EPHA5: variants seen among roughly 807,000 people sequenced by gnomAD.
EPHA5 encodes ephrin type-A receptor 5.
A neutral mutation model predicts 105.0 loss-of-function variants in EPHA5; 60 were observed. The observed-to-expected ratio is 0.57, with a 90% CI of 0.46 to 0.71. The LOEUF is 0.71. EPHA5 is among the 30% of genes least tolerant of loss of function. The pLI is 0.00. For missense variants in EPHA5, 1,218 were observed against 1,274.7 expected (o/e 0.96, Z 0.68); for synonymous variants, 513 against 449.1 (o/e 1.14, Z -1.80).
chr4:65,371,806 T>G (rs768616383), intron 8 of EPHA5, among the ~76,000 whole-genome samples: 2 of 151,962 alleles, frequency 1.3e-5, no homozygotes, highest in Non-Finnish European at 2.9e-5. Flanking sequence ...CCTAAATAAT[T>G]TTTTTCACCT....
intron 5 of EPHA5, among the ~76,000 whole-genome samples, chr4:65,467,473 T>C (rs1425479070): frequency 1.3e-5 from 2 of 152,194 alleles, no homozygotes; most frequent in Admixed American, 6.5e-5. Context: ...AAGTAGTGCA[T>C]GTAATGACAT....
intron 3 of EPHA5, among the ~76,000 whole-genome samples, chr4:65,506,285 T>C (rs1193910926): frequency 1.3e-5 from 2 of 151,848 alleles, no homozygotes; most frequent in Non-Finnish European, 2.9e-5. Flanking sequence ...GTCTTTGCTG[T>C]TGTGAATAGT....
At chr4:65,543,607 T>C (rs1176017479) in intron 3 of EPHA5, among the ~76,000 whole-genome samples, 1 of 151,980 alleles carries the variant, frequency 6.6e-6, no homozygotes, top group Non-Finnish European at 1.5e-5. Context: ...TCCATTCTCA[T>C]AGATTGGAAG....
At position 65,571,688 on chromosome 4, in the gene EPHA5, G is replaced by T. The variant is rs1490259332; in HGVS notation, c.910+29953C>A. Among the ~76,000 whole-genome samples the T allele has an allele frequency of 2.0e-5, 3 of 152,052 alleles. No individual in the cohort carries two copies. In the East Asian group the frequency reaches 5.8e-4, roughly 29 times the overall value. ...AAGTTGATTCTTAGGTCTTACGTAT[G>T]TTTTACTTTTCAATAAAAATATGTA... On this transcript the variant is annotated intron_variant, in intron 3 of 16. Coordinates refer to ENST00000613740, the MANE Select transcript of EPHA5 (RefSeq NM_001281766.3).
intron 3 of EPHA5, among the ~76,000 whole-genome samples, chr4:65,566,778 AT>A (rs897342065): frequency 6.6e-6 from 1 of 151,632 alleles, no homozygotes; most frequent in Non-Finnish European, 1.5e-5. Context: ...TAATTATTAC[AT>A]TTTTTTCTCC....
chr4:65,355,796 C>T (rs1723245081), intron 11 of EPHA5, among the ~76,000 whole-genome samples: 1 of 151,502 alleles, frequency 6.6e-6, no homozygotes, highest in Admixed American at 6.6e-5. Context: ...GCAACTCCGG[C>T]ATCAGTTTTT....
intron 3 of EPHA5, among the ~76,000 whole-genome samples, chr4:65,512,843 A>T (rs1210485990): frequency 2.0e-5 from 3 of 152,206 alleles, no homozygotes; most frequent in Non-Finnish European, 2.9e-5. Flanking sequence ...TATCATCAAC[A>T]TGAAATGTAA....
In EPHA5 at chr4:65,332,107, T is replaced by C. The variant is rs771745177; in HGVS notation, c.2811A>G (p.Glu937=). 3 of 1,602,824 alleles carry C rather than the reference T, an allele frequency of 1.9e-6. No individual in the cohort carries two copies. The highest frequency in any genetic ancestry group is 1.7e-4 in the Middle Eastern group (1 of 6,008). ...AGGCCCCAGATCCTAGTGGGCTATG[T>C]TCTGCCAATAAATTAGATACTCTAA... ...ASCRVSNLLA[E]HSPLGSGAYR... The change falls in exon 16 of 17, where the codon GAA becomes GAG. Residue 937 remains glutamate, a synonymous_variant. Coordinates refer to ENST00000613740, the MANE Select transcript of EPHA5 (RefSeq NM_001281766.3).
Position 65,335,995 on chromosome 4 carries a change from T to A in EPHA5, c.2726A>T (p.Asn909Ile), listed in dbSNP as rs1721140222. Residue 909 changes from asparagine (N) to isoleucine (I), a missense_variant, in exon 15 of 17, where the codon AAC becomes ATC. Around this residue, in one of 3 missense-constraint regions of EPHA5, gnomAD observed 971 missense variants for 1,013.5 expected, o/e 0.96. Transcript: ENST00000613740. ...GTTACGTATCAGCTTGTCCAACATG[T>A]TGACTATTTCATCAAACTTGGGCCT... is the stretch of plus-strand genomic sequence containing the variant. Reference protein sequence around the residue: ...NSRPKFDEIVNMLDKLIRNPS... With the variant: ...NSRPKFDEIVIMLDKLIRNPS... The A allele has an allele frequency of 6.2e-7, 1 of 1,613,302 alleles. No individual in the cohort carries two copies. Among genetic ancestry groups the A allele is most frequent in the Non-Finnish European group, 8.5e-7 (1 of 1,179,554 alleles).
intron 1 of EPHA5, among the ~76,000 whole-genome samples, chr4:65,653,759 G>T (rs929763572): frequency 2.0e-5 from 3 of 152,006 alleles, no homozygotes; most frequent in Non-Finnish European, 2.9e-5. Flanking sequence ...TAAAATAAAA[G>T]AAATAATTAA....
At chr4:65,431,234 CA>C (rs1560529723) in intron 5 of EPHA5, among the ~76,000 whole-genome samples, 1 of 152,064 alleles carries the variant, frequency 6.6e-6, no homozygotes, top group African/African-American at 2.4e-5. Flanking sequence ...ATGCTAAATG[CA>C]AATTCAATTT....
rs2149514647 is a variant in EPHA5 at position 65,643,365 on chromosome 4, C to T, written c.244G>A (p.Gly82Arg). ...DLGWIAFPKNGWEEIGEVDEN... is the reference protein window; with the variant it reads ...DLGWIAFPKNRWEEIGEVDEN... ...AGAAAAACTTTCATAAAACTTACCCCATTTTTTGGAAAAGCAATCCATCCC... is the reference window on the plus strand; with the variant it reads ...AGAAAAACTTTCATAAAACTTACCCTATTTTTTGGAAAAGCAATCCATCCC... The change falls in exon 2 of 17, where the codon GGG becomes AGG. Residue 82 changes from glycine (G) to arginine (R), a missense_variant and splice_region_variant. Physicochemically the swap from Gly to Arg is moderately radical, Grantham distance 125. Coordinates refer to ENST00000613740, the MANE Select transcript of EPHA5 (RefSeq NM_001281766.3). The T allele has an allele frequency of 6.2e-7, 1 of 1,612,576 alleles. No individual in the cohort carries two copies. The highest frequency in any genetic ancestry group is 8.5e-7 in the Non-Finnish European group (1 of 1,178,816).
chr4:65,464,319 T>G (rs2149137850), intron 5 of EPHA5, among the ~76,000 whole-genome samples: 1 of 152,132 alleles, frequency 6.6e-6, no homozygotes, highest in East Asian at 1.9e-4. Context: ...TTAAAATTAC[T>G]GACGTGCCTA....
rs532927404 is a variant in EPHA5 at position 65,378,810 on chromosome 4, G to C, written c.1794-11386C>G. Among the ~76,000 whole-genome samples the C allele has an allele frequency of 5.9e-5, 9 of 151,368 alleles. No homozygotes were observed. The East Asian group carries it at 1.8e-3, about 30-fold the overall frequency. Reference sequence around the variant, plus strand: ...TCTTTCTTTTTTATTTTTTTGCATGGTTTAAACACAATGATTGACACTTGT... The same window carrying C: ...TCTTTCTTTTTTATTTTTTTGCATGCTTTAAACACAATGATTGACACTTGT... On this transcript the variant is annotated intron_variant, in intron 8 of 16. Coordinates refer to ENST00000613740, the MANE Select transcript of EPHA5 (RefSeq NM_001281766.3).
intron 8 of EPHA5, among the ~76,000 whole-genome samples, chr4:65,394,450 G>GA (rs1721018395): frequency 1.3e-5 from 2 of 152,162 alleles, no homozygotes; most frequent in South Asian, 4.1e-4. Flanking sequence ...TTTCCAAGAG[G>GA]AAAAAAGTCA....
intron 2 of EPHA5, among the ~76,000 whole-genome samples, chr4:65,604,223 C>T (rs1472928535): frequency 6.6e-6 from 1 of 152,096 alleles, no homozygotes; most frequent in Non-Finnish European, 1.5e-5. Flanking sequence ...CCAAGCAATT[C>T]AGCCTTTGTC....
intron 3 of EPHA5, among the ~76,000 whole-genome samples, chr4:65,559,549 C>T (rs543927540): frequency 6.6e-6 from 1 of 152,238 alleles, no homozygotes; most frequent in Admixed American, 6.5e-5. Context: ...GATGTCTCTG[C>T]AAAACAGTGT....
intron 8 of EPHA5, among the ~76,000 whole-genome samples, chr4:65,403,570 G>A (rs186424721): frequency 6.6e-6 from 1 of 150,478 alleles, no homozygotes; most frequent in East Asian, 1.9e-4. Context: ...TAGGAAAACA[G>A]CATACTCTTG....
chr4:65,470,925 A>T (rs1343980242), intron 5 of EPHA5, among the ~76,000 whole-genome samples: 1 of 152,218 alleles, frequency 6.6e-6, no homozygotes, highest in African/African-American at 2.4e-5. Context: ...TGTGCCTATA[A>T]CAATATCTGA....
Sources: gnomAD v4.1 joint callset for allele counts (sites outside exome capture counted in the v4.1 genomes callset) on GRCh38, gnomAD v4.1.1 for gene constraint, gnomAD v4.1.1 regional missense constraint, MANE v1.5 for transcripts, NCBI Gene and HGNC (gene_info 2026-07-23, HGNC 2026-07-21) for gene names.